The following NYAP2 variants were observed in gnomAD, a reference collection of about 807,000 sequenced individuals.
NYAP2 encodes neuronal tyrosine-phosphorylated phosphoinositide-3-kinase adapter 2.
Under a neutral mutation model 50.4 loss-of-function variants are expected in NYAP2, and 23 were observed. The ratio of observed to expected loss-of-function variants is 0.46; its 90% CI spans 0.33 to 0.65. NYAP2 has a LOEUF of 0.65. NYAP2 is among the 30% of genes least tolerant of loss of function. NYAP2 has a pLI of 0.02. For synonymous variants in NYAP2, 394 were observed against 365.2 expected (o/e 1.08, Z -0.90); for missense variants, 885 against 861.0 (o/e 1.03, Z -0.35).
At chr2:225,507,132 TTATC>T (rs1342072217) in intron 3 of NYAP2, among the ~76,000 whole-genome samples, 1 of 152,186 alleles carries the variant, frequency 6.6e-6, no homozygotes, top group African/African-American at 2.4e-5. Context: ...CTTTATCTAC[TTATC>T]TATCAATCAT....
At chr2:225,457,395 C>T (rs950231537) in intron 3 of NYAP2, among the ~76,000 whole-genome samples, 3 of 151,938 alleles carry the variant, frequency 2.0e-5, no homozygotes, top group African/African-American at 7.3e-5. Context: ...GGACACATTC[C>T]TTTATTGATT....
chr2:225,433,763 G>GGGAA (rs1170781804), intron 3 of NYAP2, among the ~76,000 whole-genome samples: 1 of 139,026 alleles, frequency 7.2e-6, no homozygotes, highest in Non-Finnish European at 1.5e-5. Context: ...CTCGCAGTGA[G>GGGAA]CCGAGATCGC....
intron 5 of NYAP2, among the ~76,000 whole-genome samples, chr2:225,605,300 C>G (rs1040199859): frequency 6.6e-6 from 1 of 152,058 alleles, no homozygotes; most frequent in African/African-American, 2.4e-5. Flanking sequence ...AGTGGAAAAG[C>G]TTGTCTTTCC....
At chr2:225,525,152 C>A (rs1179803594) in intron 4 of NYAP2, among the ~76,000 whole-genome samples, 2 of 152,134 alleles carry the variant, frequency 1.3e-5, no homozygotes, top group South Asian at 2.1e-4. Context: ...ATTAGTACAA[C>A]CTTTATGGAA....
At chr2:225,481,234 A>C (rs1337871050) in intron 3 of NYAP2, among the ~76,000 whole-genome samples, 1 of 152,122 alleles carries the variant, frequency 6.6e-6, no homozygotes, top group African/African-American at 2.4e-5. Context: ...TTATCCATGT[A>C]CTTTTTATAA....
intron 5 of NYAP2, among the ~76,000 whole-genome samples, chr2:225,620,923 G>T (rs554361241): frequency 6.6e-6 from 1 of 152,206 alleles, no homozygotes; most frequent in East Asian, 1.9e-4. Context: ...AGACCATTCT[G>T]GCTAACATGG....
chr2:225,676,504 G>A, the NYAP2 span, among the ~76,000 whole-genome samples: 160 of 152,190 alleles, frequency 1.1e-3, no homozygotes, highest in Middle Eastern at 3.4e-3. Flanking sequence ...GGGACTTACA[G>A]TTCCACATGG....
At chr2:225,673,527 G>A in the NYAP2 span, among the ~76,000 whole-genome samples, 1 of 152,120 alleles carries the variant, frequency 6.6e-6, no homozygotes, top group African/African-American at 2.4e-5. Flanking sequence ...GTAAGCTTAT[G>A]TAACAATTTC....
At chr2:225,459,030 A>G (rs1328054084) in intron 3 of NYAP2, among the ~76,000 whole-genome samples, 1 of 152,214 alleles carries the variant, frequency 6.6e-6, no homozygotes, top group Non-Finnish European at 1.5e-5. Context: ...GAAACAAAAG[A>G]TGCATATTCA....
chr2:225,435,280 G>A (rs1689357774), intron 3 of NYAP2, among the ~76,000 whole-genome samples: 1 of 152,056 alleles, frequency 6.6e-6, no homozygotes, highest in Admixed American at 6.5e-5. Context: ...AATACATAAG[G>A]CAGTAAAGAA....
At chr2:225,517,267 G>T (rs1232126280) in intron 4 of NYAP2, among the ~76,000 whole-genome samples, 2 of 152,130 alleles carry the variant, frequency 1.3e-5, no homozygotes, top group Non-Finnish European at 2.9e-5. Context: ...TTGCTTCAGT[G>T]TGGTTCCTGC....
intron 2 of NYAP2, 85 bp from the exon 3 acceptor site, chr2:225,408,779 G>C (rs1217424801): frequency 1.5e-6 from 1 of 680,722 alleles, no homozygotes; most frequent in Non-Finnish European, 2.6e-6. Context: ...ATAATTATTG[G>C]AGTTTTGAGT....
chr2:225,499,215 A>G (rs1328204241), intron 3 of NYAP2, among the ~76,000 whole-genome samples: 2 of 152,228 alleles, frequency 1.3e-5, no homozygotes, highest in Non-Finnish European at 2.9e-5. Context: ...ACATTCCAGA[A>G]AGAAGCTGCG....
intron 4 of NYAP2, among the ~76,000 whole-genome samples, chr2:225,565,517 TC>T: frequency 6.6e-6 from 1 of 152,172 alleles, no homozygotes; most frequent in Admixed American, 6.5e-5. Flanking sequence ...GCTGGTAGAT[TC>T]TTTGGTATTG....
At position 225,509,588 on chromosome 2, in the gene NYAP2, G is replaced by A. The variant is rs140417497; in HGVS notation, c.222-3783G>A. Reference sequence around the variant, plus strand: ...CACCATGATCAGCTTCTTGTTGCCCGTTACCCACTACACAAGGGGTGTTCA... The same window carrying A: ...CACCATGATCAGCTTCTTGTTGCCCATTACCCACTACACAAGGGGTGTTCA... On this transcript the variant is annotated intron_variant, in intron 3 of 6. Coordinates refer to ENST00000636099, the Ensembl canonical transcript of NYAP2. Among the ~76,000 whole-genome samples the A allele has an allele frequency of 5.3e-3, 800 of 152,234 alleles. 13 individuals carry two copies. The highest frequency in any genetic ancestry group is 0.018 in the African/African-American group (766 of 41,536).
At chr2:225,660,599 ACT>A in the NYAP2 span, among the ~76,000 whole-genome samples, 6 of 152,208 alleles carry the variant, frequency 3.9e-5, no homozygotes, top group South Asian at 1.2e-3. Context: ...GGGCGGGCCA[ACT>A]CAGCCTGTGG....
At chr2:225,430,976 T>C (rs906478033) in intron 3 of NYAP2, among the ~76,000 whole-genome samples, 2 of 152,188 alleles carry the variant, frequency 1.3e-5, no homozygotes, top group African/African-American at 4.8e-5. Context: ...AATGAAAATG[T>C]ACATTCAGAG....
At chr2:225,562,980 A>G (rs1336659253) in intron 4 of NYAP2, among the ~76,000 whole-genome samples, 1 of 152,122 alleles carries the variant, frequency 6.6e-6, no homozygotes, top group African/African-American at 2.4e-5. Context: ...CCACTTACCC[A>G]CTTCATGGCA....
chr2:225,691,618 G>C, the NYAP2 span, among the ~76,000 whole-genome samples: 1 of 152,064 alleles, frequency 6.6e-6, no homozygotes, highest in Non-Finnish European at 1.5e-5. Context: ...GGGAGAAGAA[G>C]AACATTTTCA....
Sources: gnomAD v4.1 joint callset for allele counts (sites outside exome capture counted in the v4.1 genomes callset) on GRCh38, gnomAD v4.1.1 for gene constraint, MANE v1.5 for transcripts, NCBI Gene and HGNC (gene_info 2026-07-23, HGNC 2026-07-21) for gene names.